IPO11: variants seen among roughly 807,000 people sequenced by gnomAD.
The protein encoded by IPO11 is importin 11.
A neutral mutation model predicts 143.2 loss-of-function variants in IPO11; 66 were observed. The observed-to-expected ratio is 0.46, with a 90% CI of 0.38 to 0.57. The LOEUF (loss-of-function observed/expected upper bound fraction) is 0.57. Among genes scored for constraint, IPO11 ranks in the 20% least tolerant of loss-of-function variants. The pLI, the probability that IPO11 is intolerant of heterozygous loss-of-function variation, is 0.00. For missense variants in IPO11, 1,026 were observed against 1,141.0 expected (o/e 0.90, Z 1.45); for synonymous variants, 385 against 377.8 (o/e 1.02, Z -0.22).
chr5:62,620,376 G>A (rs1201008652), intron 29 of IPO11, among the ~76,000 whole-genome samples: 1 of 152,066 alleles, frequency 6.6e-6, no homozygotes. Flanking sequence ...AAAGTTAGCC[G>A]GGTGTGGTGG....
chr5:62,433,638 G>A (rs558010243), intron 1 of IPO11, among the ~76,000 whole-genome samples: 1 of 152,102 alleles, frequency 6.6e-6, no homozygotes, highest in Admixed American at 6.6e-5. Context: ...GCTCTTCCCC[G>A]CCAGACTGGA....
intron 20 of IPO11, among the ~76,000 whole-genome samples, chr5:62,522,423 TAC>T (rs1187430117): frequency 6.6e-6 from 1 of 152,118 alleles, no homozygotes; most frequent in Admixed American, 6.5e-5. Flanking sequence ...TAGCTGGGAC[TAC>T]AGGCATGCAC....
intron 5 of IPO11, among the ~76,000 whole-genome samples, chr5:62,456,973 G>A (rs1316727312): frequency 2.6e-5 from 4 of 151,962 alleles, no homozygotes; most frequent in South Asian, 2.1e-4. Flanking sequence ...CCACCTACTC[G>A]GGAGCCTGAG....
At chr5:62,526,581 G>T (rs1742376496) in intron 21 of IPO11, 1 of 219,980 alleles carries the variant, frequency 4.5e-6, no homozygotes, top group Non-Finnish European at 9.0e-6. Context: ...ATGTTTGGGG[G>T]ATATTGAGGT....
At chr5:62,575,510 A>T (rs945510006) in intron 27 of IPO11, among the ~76,000 whole-genome samples, 2 of 150,884 alleles carry the variant, frequency 1.3e-5, no homozygotes, top group Non-Finnish European at 3.0e-5. Context: ...TAAATAATCC[A>T]CTCCTTATAA....
chr5:62,546,191 A>C (rs1743172056), intron 24 of IPO11, among the ~76,000 whole-genome samples: 1 of 152,200 alleles, frequency 6.6e-6, no homozygotes, highest in Admixed American at 6.5e-5. Context: ...AAGACTTGGA[A>C]CCAACCCAAA....
intron 29 of IPO11, among the ~76,000 whole-genome samples, chr5:62,613,434 C>G (rs893480041): frequency 4.0e-5 from 6 of 150,270 alleles, no homozygotes; most frequent in African/African-American, 9.8e-5. Flanking sequence ...CTCCAAGTAG[C>G]AGGGACTACA....
intron 1 of IPO11, among the ~76,000 whole-genome samples, chr5:62,431,825 C>A (rs1180760251): frequency 1.3e-5 from 2 of 151,994 alleles, no homozygotes; most frequent in African/African-American, 2.4e-5. Flanking sequence ...CCTATAATCC[C>A]AGCTACTTAG....
chr5:62,601,906 G>A, intron 29 of IPO11, 58 bp downstream of exon 29: 1 of 1,046,268 alleles, frequency 9.6e-7, no homozygotes, highest in Non-Finnish European at 1.4e-6. Context: ...TTTTCTGTAG[G>A]TTCAGAAATA....
At chr5:62,610,189 A>G (rs1057490242) in intron 29 of IPO11, among the ~76,000 whole-genome samples, 11 of 152,200 alleles carry the variant, frequency 7.2e-5, no homozygotes, top group Non-Finnish European at 1.0e-4. Flanking sequence ...CTTGAATGCT[A>G]TGTTAACCTG....
intron 26 of IPO11, among the ~76,000 whole-genome samples, chr5:62,559,348 T>A (rs1163705481): frequency 6.6e-6 from 1 of 151,952 alleles, no homozygotes; most frequent in Non-Finnish European, 1.5e-5. Context: ...TAATGAACAG[T>A]AGGTTGTTTT....
Position 62,487,798 on chromosome 5 carries a change from A to G in IPO11, c.1246A>G (p.Ile416Val), listed in dbSNP as rs1372760104. The G allele has an allele frequency of 1.9e-6, 3 of 1,608,204 alleles. No homozygotes were observed. The highest frequency in any genetic ancestry group is 1.7e-6 in the Non-Finnish European group (2 of 1,178,284). Residue 416 changes from isoleucine (I) to valine (V), a missense_variant, in exon 13 of 30, where the codon ATA (isoleucine) becomes GTA (valine). Physicochemically the swap from Ile to Val is conservative, Grantham distance 29 (BLOSUM62 3). This residue lies in a region of IPO11 where 237 missense variants were observed against 288.0 expected (regional missense o/e 0.82). Coordinates refer to ENST00000325324, the MANE Select transcript of IPO11 (RefSeq NM_016338.5). ...ATGCACTGAAGTATTATTTATAGAT[A>G]TATTCCATGAATATAATCAGACTCT... ...RPCTEVLFID[I>V]FHEYNQTLTP...
chr5:62,413,999 G>C (rs1004174563), intron 1 of IPO11, among the ~76,000 whole-genome samples: 2 of 152,152 alleles, frequency 1.3e-5, no homozygotes, highest in African/African-American at 2.4e-5. Flanking sequence ...ACCTAGCACA[G>C]GGTATAGTAG....
rs774655416 is a variant in IPO11 at position 62,487,783 on chromosome 5, G to C, written c.1231G>C (p.Val411Leu). The change falls in exon 13 of 30, where the codon GTA becomes CTA. Residue 411 changes from valine to leucine, a missense_variant. Around this residue, in one of 5 missense-constraint regions of IPO11, gnomAD observed 6 missense variants for 21.5 expected, o/e 0.28. Transcript: ENST00000325324. ...TTTCCCTCTCCAGCCATGCACTGAA[G>C]TATTATTTATAGATATATTCCATGA... Reference protein sequence around the residue: ...WKYSLRPCTEVLFIDIFHEYN... With the variant: ...WKYSLRPCTELLFIDIFHEYN... 1.3e-6 allele frequency: 2 copies of C among 1,595,778 alleles called. No individual in the cohort carries two copies. Among genetic ancestry groups the C allele is most frequent in the Admixed American group, 3.5e-5 (2 of 57,178 alleles).
rs1561299460 is a variant in IPO11 at position 62,412,777 on chromosome 5, C to G, written c.-159C>G. The G allele has an allele frequency of 6.5e-6, 1 of 152,752 alleles. No individual in the cohort carries two copies. The highest frequency in any genetic ancestry group is 1.5e-5 in the Non-Finnish European group (1 of 68,080). 9.5% of individuals were successfully genotyped at this position (152,752 alleles called of 1,614,324 possible). ...CGCGCGTCCGCGTCGTTTGGAGCTG[C>G]GACGCCAAACATGGCGTGTTCCTAG... On this transcript the variant is annotated 5_prime_UTR_variant, in exon 1 of 30. Coordinates refer to ENST00000325324, the MANE Select transcript of IPO11 (RefSeq NM_016338.5).
chr5:62,626,252 A>T, intron 29 of IPO11, among the ~76,000 whole-genome samples: 1 of 150,916 alleles, frequency 6.6e-6, no homozygotes, highest in Non-Finnish European at 1.5e-5. Flanking sequence ...CTGGTCTCGA[A>T]CTCCTGACCT....
At chr5:62,529,340 T>C (rs1742467353) in intron 21 of IPO11, among the ~76,000 whole-genome samples, 1 of 152,158 alleles carries the variant, frequency 6.6e-6, no homozygotes, top group Non-Finnish European at 1.5e-5. Context: ...TGCTTTTTGC[T>C]GTTTACTCAA....
chr5:62,474,407 C>G lies in IPO11; in HGVS notation c.709-9C>G. On this transcript the variant is annotated splice_polypyrimidine_tract_variant and intron_variant, in intron 7 of 29. Transcript: ENST00000325324. ...AAATTGAGATATTTAAAATAATATT[C>G]TTTTCTAGGGTTTTTTACATGGAAT... is the stretch of plus-strand genomic sequence containing the variant. The G allele has an allele frequency of 6.7e-7, 1 of 1,490,412 alleles. No individual in the cohort carries two copies. The highest frequency in any genetic ancestry group is 1.3e-5 in the South Asian group (1 of 79,370). 92.3% of individuals were successfully genotyped at this position (1,490,412 alleles called of 1,614,324 possible). A position where few individuals can be genotyped will look rare whatever the true frequency, so the allele number is the denominator to read the frequency against.
chr5:62,532,683 T>A (rs967143102), intron 22 of IPO11, among the ~76,000 whole-genome samples: 1 of 152,108 alleles, frequency 6.6e-6, no homozygotes, highest in Non-Finnish European at 1.5e-5. Context: ...ATGATAGAAA[T>A]CTTTGTAGCT....
Sources: gnomAD v4.1 joint callset for allele counts (sites outside exome capture counted in the v4.1 genomes callset) on GRCh38, gnomAD v4.1.1 for gene constraint, gnomAD v4.1.1 regional missense constraint, MANE v1.5 for transcripts, NCBI Gene and HGNC (gene_info 2026-07-23, HGNC 2026-07-21) for gene names.